Variants in NKAIN2 observed in about 807,000 individuals in gnomAD.
NKAIN2 encodes sodium/potassium transporting ATPase interacting 2, also known as sodium/potassium-transporting ATPase subunit beta-1-interacting protein 2.
In NKAIN2, 14 loss-of-function variants were observed where a neutral mutation model predicts 32.6. The observed-to-expected ratio is 0.43, with a 90% CI of 0.28 to 0.67. NKAIN2 has a LOEUF of 0.67. Ranked by LOEUF, NKAIN2 falls within the 30% of genes least tolerant of loss-of-function variation. The probability of loss-of-function intolerance (pLI) is 0.17; values close to 1 mark genes in which losing one functional copy is unlikely to be tolerated. For missense variants in NKAIN2, 198 were observed against 258.3 expected, an observed-to-expected ratio of 0.77 and a Z score of 1.60; for synonymous variants, 80 against 87.2, an observed-to-expected ratio of 0.92 and a Z score of 0.46.
intron 1 of NKAIN2, among the ~76,000 whole-genome samples, chr6:124,234,761 G>A (rs1276872396): frequency 6.6e-6 from 1 of 152,128 alleles, no homozygotes; most frequent in East Asian, 1.9e-4. Context: ...AATCAGCTCA[G>A]TAGCCTCCCA....
intron 3 of NKAIN2, among the ~76,000 whole-genome samples, chr6:124,399,074 G>C (rs1291313978): frequency 6.6e-6 from 1 of 151,842 alleles, no homozygotes; most frequent in Admixed American, 6.6e-5. Context: ...TTACAGGCAC[G>C]CACCCCCACA....
chr6:124,332,999 T>C (rs913501127), intron 2 of NKAIN2, among the ~76,000 whole-genome samples: 8 of 152,182 alleles, frequency 5.3e-5, no homozygotes, highest in Admixed American at 3.9e-4. Context: ...TATGTCTTCC[T>C]ATTAAATAAC....
At chr6:124,632,572 T>C (rs184961590) in intron 3 of NKAIN2, among the ~76,000 whole-genome samples, 8 of 152,344 alleles carry the variant, frequency 5.3e-5, no homozygotes, top group Admixed American at 3.9e-4. Context: ...TTAAAACTGA[T>C]AATGAGTACT....
intron 1 of NKAIN2, among the ~76,000 whole-genome samples, chr6:124,201,973 G>T: frequency 6.6e-6 from 1 of 151,958 alleles, no homozygotes. Flanking sequence ...CATATTTCAT[G>T]TTTGGTTGTG....
intron 1 of NKAIN2, among the ~76,000 whole-genome samples, chr6:124,233,252 A>T (rs576443051): frequency 6.6e-6 from 1 of 152,284 alleles, no homozygotes; most frequent in African/African-American, 2.4e-5. Flanking sequence ...AGTTCACTCT[A>T]TATGTGAATT....
At chr6:123,889,349 G>A (rs1268282746) in intron 1 of NKAIN2, among the ~76,000 whole-genome samples, 1 of 152,070 alleles carries the variant, frequency 6.6e-6, no homozygotes, top group African/African-American at 2.4e-5. Context: ...AGTATATTTT[G>A]CCCTTTTCTA....
At chr6:124,131,532 G>A (rs1028858820) in intron 1 of NKAIN2, among the ~76,000 whole-genome samples, 5 of 152,226 alleles carry the variant, frequency 3.3e-5, no homozygotes, top group East Asian at 1.9e-4. Context: ...CAAAATCAGC[G>A]AGACAGGCAA....
At chr6:123,966,027 C>T (rs1216976160) in intron 1 of NKAIN2, among the ~76,000 whole-genome samples, 1 of 152,144 alleles carries the variant, frequency 6.6e-6, no homozygotes, top group Non-Finnish European at 1.5e-5. Context: ...AAGATCAACC[C>T]TTCTAAATCT....
intron 1 of NKAIN2, among the ~76,000 whole-genome samples, chr6:123,813,341 T>C (rs2114868584): frequency 6.6e-6 from 1 of 152,310 alleles, no homozygotes; most frequent in South Asian, 2.1e-4. Context: ...ATAGTGATTC[T>C]GACCTCACTC....
At chr6:123,852,011 T>C (rs1300877303) in intron 1 of NKAIN2, among the ~76,000 whole-genome samples, 1 of 152,202 alleles carries the variant, frequency 6.6e-6, no homozygotes, top group Non-Finnish European at 1.5e-5. Context: ...TGGGATCATA[T>C]CAAAAAAATT....
chr6:124,634,372 T>TG (rs1335577270), intron 3 of NKAIN2, among the ~76,000 whole-genome samples: 2 of 152,140 alleles, frequency 1.3e-5, no homozygotes, highest in African/African-American at 2.4e-5. Context: ...CAATTCATGA[T>TG]CTGACTGAGA....
At chr6:124,066,862 TTGTGTGTGTGTGTGTGTG>T (rs10574288) in intron 1 of NKAIN2, among the ~76,000 whole-genome samples, 2 of 149,612 alleles carry the variant, frequency 1.3e-5, no homozygotes, top group Admixed American at 6.7e-5. Context: ...TTTGCTGCGT[TTGTGTGTGTGTGTGTGTG>T]TGTGTGTGTG....
At chr6:123,848,549 G>C (rs1582644195) in intron 1 of NKAIN2, among the ~76,000 whole-genome samples, 1 of 152,290 alleles carries the variant, frequency 6.6e-6, no homozygotes, top group East Asian at 1.9e-4. Flanking sequence ...TGAAGAAGGA[G>C]ATGTTTGCTT....
chr6:124,011,761 C>A (rs1164330730), intron 1 of NKAIN2, among the ~76,000 whole-genome samples: 1 of 152,176 alleles, frequency 6.6e-6, no homozygotes, highest in Non-Finnish European at 1.5e-5. Flanking sequence ...AGGCCTACAT[C>A]AAATTTTAAT....
chr6:124,565,713 A>G (rs1780885197), intron 3 of NKAIN2, among the ~76,000 whole-genome samples: 10 of 152,184 alleles, frequency 6.6e-5, no homozygotes, highest in Admixed American at 5.2e-4. Flanking sequence ...TAAGTAACCA[A>G]TAAAGAAATC....
intron 5 of NKAIN2, among the ~76,000 whole-genome samples, chr6:124,816,726 A>G (rs1781183247): frequency 6.6e-6 from 1 of 152,168 alleles, no homozygotes; most frequent in South Asian, 2.1e-4. Flanking sequence ...GAATAACTAG[A>G]AAAAAGTAAG....
chr6:124,115,000 T>C (rs1270001303), intron 1 of NKAIN2, among the ~76,000 whole-genome samples: 1 of 152,118 alleles, frequency 6.6e-6, no homozygotes, highest in Non-Finnish European at 1.5e-5. Flanking sequence ...GAACAAGTGA[T>C]ATGCAATTGG....
At chr6:124,412,949 C>G (rs575155249) in intron 3 of NKAIN2, among the ~76,000 whole-genome samples, 1 of 152,186 alleles carries the variant, frequency 6.6e-6, no homozygotes, top group Non-Finnish European at 1.5e-5. Context: ...GAGCAAGGCT[C>G]CATGGGCGTA....
At chr6:124,427,449 T>C (rs1330190483) in intron 3 of NKAIN2, among the ~76,000 whole-genome samples, 1 of 152,212 alleles carries the variant, frequency 6.6e-6, no homozygotes, top group Non-Finnish European at 1.5e-5. Context: ...ACTTAAATGG[T>C]ATACTTTAAA....
Sources: gnomAD v4.1 joint callset for allele counts (sites outside exome capture counted in the v4.1 genomes callset) on GRCh38, gnomAD v4.1.1 for gene constraint, MANE v1.5 for transcripts, NCBI Gene and HGNC (gene_info 2026-07-23, HGNC 2026-07-21) for gene names.